The following KY variants were observed in gnomAD, a reference collection of about 807,000 sequenced individuals.
The protein encoded by KY is kyphoscoliosis peptidase.
In KY, 43 loss-of-function variants were observed where a neutral mutation model predicts 76.1. The observed-to-expected ratio is 0.57, with a 90% CI of 0.44 to 0.73. KY has a LOEUF of 0.73. KY is among the 30% of genes least tolerant of loss of function. The probability of loss-of-function intolerance (pLI) is 0.00; values close to 1 mark genes in which losing one functional copy is unlikely to be tolerated. For synonymous variants in KY, 277 were observed against 326.2 expected (o/e 0.85, Z 1.63); for missense variants, 722 against 828.9 (o/e 0.87, Z 1.58).
chr3:134,613,589 G>A (rs1337437921), intron 8 of KY, among the ~76,000 whole-genome samples: 1 of 152,300 alleles, frequency 6.6e-6, no homozygotes, highest in South Asian at 2.1e-4. Flanking sequence ...ATCTCCAGGG[G>A]TTGATTCTTC....
intron 8 of KY, among the ~76,000 whole-genome samples, chr3:134,618,753 C>A (rs1029399215): frequency 1.4e-4 from 21 of 152,148 alleles, no homozygotes; most frequent in African/African-American, 4.8e-4. Context: ...TTGTTTCCCC[C>A]AAAAGAGGCT....
intron 10 of KY, chr3:134,606,944 C>G: frequency 1.1e-5 from 11 of 985,234 alleles, no homozygotes; most frequent in Non-Finnish European, 1.3e-5. Flanking sequence ...TTGTTTCCTT[C>G]CCCTCCCCTC....
At chr3:134,647,715 G>C (rs183949622) in intron 1 of KY, among the ~76,000 whole-genome samples, 1 of 152,338 alleles carries the variant, frequency 6.6e-6, no homozygotes, top group South Asian at 2.1e-4. Flanking sequence ...GGGCAGCAGG[G>C]TTGGTTATCA....
chr3:134,635,331 T>C (rs1199490231), intron 3 of KY, among the ~76,000 whole-genome samples: 1 of 151,766 alleles, frequency 6.6e-6, no homozygotes, highest in Non-Finnish European at 1.5e-5. Context: ...ACCCCATCTC[T>C]ACTAAAAATA....
Position 134,633,966 on chromosome 3 carries a change from G to A in KY, c.263-4271C>T, listed in dbSNP as rs559159721. On this transcript the variant is annotated intron_variant, in intron 3 of 10. Coordinates refer to ENST00000423778, the MANE Select transcript of KY (RefSeq NM_178554.6). The stretch of plus-strand genomic sequence containing the variant: ...TTGTATTTCTGTATATTGGCCATAA[G>A]CAATTGGAGATGGCATTTAAAAATA... Among the ~76,000 whole-genome samples, 6 of 152,292 alleles carry A rather than the reference G, an allele frequency of 3.9e-5. No homozygotes were observed. The East Asian group carries it at 1.2e-3, about 29-fold the overall frequency.
intron 3 of KY, among the ~76,000 whole-genome samples, chr3:134,631,545 TTTTGATA>T (rs61129160): frequency 0.6 from 90,506 of 151,202 alleles, 27,834 homozygotes; most frequent in East Asian, 0.85. Context: ...TCTGATAGGT[TTTTGATA>T]TATTAGATGT....
chr3:134,647,541 A>AG, intron 1 of KY, 44 bp from the exon 2 acceptor site: 3 of 1,227,062 alleles, frequency 2.4e-6, no homozygotes, highest in Non-Finnish European at 3.6e-6. Context: ...CTCAGGGCAA[A>AG]AGAGTGATGT....
intron 10 of KY, chr3:134,607,816 G>T (rs1959495285): frequency 2.0e-6 from 2 of 988,216 alleles, no homozygotes; most frequent in African/African-American, 3.5e-5. Flanking sequence ...TGCCCCAGGG[G>T]AGTGGGCTGG....
chr3:134,607,682 G>A (rs942982633), intron 10 of KY: 10 of 985,632 alleles, frequency 1.0e-5, no homozygotes, highest in Non-Finnish European at 7.2e-6. Flanking sequence ...GCCCTCCAGG[G>A]CAGCCCCCGT....
rs1325731427 is a variant in KY at position 134,602,792 on chromosome 3, A to T, written c.*787T>A. On this transcript the variant is annotated 3_prime_UTR_variant, in exon 11 of 11. Transcript: ENST00000423778. Reference sequence around the variant, plus strand: ...CTCAGAGCAGAGCTGGAGGTCTTACACCCTCAGACCAAGGCTGCAGCTCTG... The same window carrying T: ...CTCAGAGCAGAGCTGGAGGTCTTACTCCCTCAGACCAAGGCTGCAGCTCTG... Among the ~76,000 whole-genome samples the T allele has an allele frequency of 1.3e-5, 2 of 151,998 alleles. No individual in the cohort carries two copies. The highest frequency in any genetic ancestry group is 3.9e-4 in the East Asian group (2 of 5,162).
At position 134,620,601 on chromosome 3, in the gene KY, ACT is replaced by A. The variant is rs764331131; in HGVS notation, c.592+146_592+147del. Reference sequence around the variant, plus strand: ...ATGGTGAATTTTATCCTCCTTGGTTACTCTCTGGTTCATCAGTCCAGTCTTCT... The same window carrying A: ...ATGGTGAATTTTATCCTCCTTGGTTACTCTGGTTCATCAGTCCAGTCTTCT... On this transcript the variant is annotated intron_variant, in intron 7 of 10. Transcript: ENST00000423778. 6 of 615,526 alleles carry A rather than the reference ACT, an allele frequency of 9.7e-6. No homozygotes were observed. In the East Asian group the frequency reaches 1.4e-4, roughly 14 times the overall value. 38.1% of individuals were successfully genotyped at this position (615,526 alleles called of 1,614,324 possible).
At position 134,633,833 on chromosome 3, in the gene KY, A is replaced by T. The variant is rs374895232; in HGVS notation, c.263-4138T>A. ...AAAACTGTCTTTATTCACAGTTGATATGTCTGTCTACATAGGAAATCCCAA... is the reference window on the plus strand; with the variant it reads ...AAAACTGTCTTTATTCACAGTTGATTTGTCTGTCTACATAGGAAATCCCAA... On this transcript the variant is annotated intron_variant, in intron 3 of 10. Transcript: ENST00000423778. 2.6e-5 allele frequency among the ~76,000 whole-genome samples: 4 copies of T among 152,290 alleles called. No homozygotes were observed. The South Asian group carries it at 6.2e-4, about 24-fold the overall frequency.
rs1309223007 is a variant in KY at position 134,603,604 on chromosome 3, A to G, written c.1961T>C (p.Leu654Pro). Residue 654 changes from leucine to proline, a missense_variant, in exon 11 of 11, where the codon CTG becomes CCG. Leu to Pro is a moderately conservative substitution (Grantham distance 98). Around this residue, in one of 2 missense-constraint regions of KY, gnomAD observed 552 missense variants for 680.9 expected, o/e 0.81. Coordinates refer to ENST00000423778, the MANE Select transcript of KY (RefSeq NM_178554.6). ...NANHNFYSYI[L>P]KYKVNAQ Reference sequence around the variant, plus strand: ...TCACTGGGCATTCACTTTGTATTTCAGGATGTAGGAGTAGAAATTGTGGTT... The same window carrying G: ...TCACTGGGCATTCACTTTGTATTTCGGGATGTAGGAGTAGAAATTGTGGTT... The G allele has an allele frequency of 6.3e-7, 1 of 1,588,812 alleles. No homozygotes were observed. The highest frequency in any genetic ancestry group is 8.6e-7 in the Non-Finnish European group (1 of 1,163,802).
intron 5 of KY, among the ~76,000 whole-genome samples, chr3:134,626,964 G>C (rs1269677750): frequency 6.6e-6 from 1 of 152,112 alleles, no homozygotes; most frequent in Non-Finnish European, 1.5e-5. Context: ...CATTCAAAGT[G>C]GACTCACACA....
At chr3:134,650,406 C>T (rs531865303) in intron 1 of KY, among the ~76,000 whole-genome samples, 1 of 152,286 alleles carries the variant, frequency 6.6e-6, no homozygotes, top group Non-Finnish European at 1.5e-5. Flanking sequence ...CTGACTCAGC[C>T]CAAAGGTTTC....
chr3:134,648,663 G>A (rs911270117), intron 1 of KY, among the ~76,000 whole-genome samples: 12 of 152,088 alleles, frequency 7.9e-5, no homozygotes, highest in African/African-American at 2.9e-4. Flanking sequence ...AATTCCTAGT[G>A]ACCTAGCCTG....
At chr3:134,627,308 G>A (rs1963584907) in intron 5 of KY, among the ~76,000 whole-genome samples, 1 of 152,160 alleles carries the variant, frequency 6.6e-6, no homozygotes, top group South Asian at 2.1e-4. Flanking sequence ...GGTCTACTGA[G>A]GGGGAAACTG....
chr3:134,624,471 G>C (rs1577691961), intron 6 of KY, among the ~76,000 whole-genome samples: 1 of 152,232 alleles, frequency 6.6e-6, no homozygotes, highest in East Asian at 1.9e-4. Context: ...TCAACACCTT[G>C]TTCCTCCTAT....
chr3:134,632,941 C>T lies in KY; in HGVS notation c.263-3246G>A, dbSNP rs151256403. Among the ~76,000 whole-genome samples, 249 of 152,048 alleles carry T rather than the reference C, an allele frequency of 1.6e-3. 1 individual carries two copies. The highest frequency in any genetic ancestry group is 5.5e-3 in the African/African-American group (230 of 41,524). On this transcript the variant is annotated intron_variant, in intron 3 of 10. Coordinates refer to ENST00000423778, the MANE Select transcript of KY (RefSeq NM_178554.6). ...ATGAAATGAGGGCTATCGCTACAGACCCTCATATGTATTAAAATAATAATA... is the reference window on the plus strand; with the variant it reads ...ATGAAATGAGGGCTATCGCTACAGATCCTCATATGTATTAAAATAATAATA...
Sources: allele counts gnomAD v4.1 joint callset (sites outside exome capture counted in the v4.1 genomes callset), GRCh38; gene constraint gnomAD v4.1.1; regional missense constraint gnomAD v4.1.1; transcripts MANE v1.5; gene names NCBI Gene and HGNC (gene_info 2026-07-23, HGNC 2026-07-21).